MEMO1: variants seen among roughly 807,000 people sequenced by gnomAD.
The protein encoded by MEMO1 is protein MEMO1.
Under a neutral mutation model 45.2 loss-of-function variants are expected in MEMO1, and 6 were observed. That is an observed-to-expected ratio of 0.13 (90% confidence interval 0.07 to 0.26). The LOEUF (loss-of-function observed/expected upper bound fraction) is 0.26. Ranked by LOEUF, MEMO1 falls within the 10% of genes least tolerant of loss-of-function variation. The pLI is 1.00. For synonymous variants in MEMO1, 78 were observed against 124.3 expected (o/e 0.63, Z 2.48); for missense variants, 184 against 370.5 (o/e 0.50, Z 4.13).
chr2:31,967,997 T>G (rs975431225), intron 2 of MEMO1, among the ~76,000 whole-genome samples: 10 of 152,022 alleles, frequency 6.6e-5, no homozygotes, highest in African/African-American at 2.4e-4. Flanking sequence ...AAACTCGCAA[T>G]GATGGGTAAG....
At chr2:31,933,172 T>C (rs892032930) in intron 3 of MEMO1, among the ~76,000 whole-genome samples, 5 of 149,900 alleles carry the variant, frequency 3.3e-5, no homozygotes, top group Admixed American at 6.7e-5. Flanking sequence ...TTCTAGAAAA[T>C]AGCGAGGCAT....
chr2:31,976,632 A>G (rs925131236), intron 2 of MEMO1, among the ~76,000 whole-genome samples: 6 of 152,142 alleles, frequency 3.9e-5, no homozygotes, highest in Admixed American at 2.0e-4. Flanking sequence ...GGATAATTAA[A>G]TATCTCAACT....
At chr2:31,950,720 CAA>C (rs1382577241) in intron 2 of MEMO1, among the ~76,000 whole-genome samples, 5 of 78,546 alleles carry the variant, frequency 6.4e-5, no homozygotes, top group Admixed American at 1.4e-4. Flanking sequence ...GACTCCATCT[CAA>C]AAAAAAAAAA....
At position 31,868,466 on chromosome 2, in the gene MEMO1, T is replaced by G. The variant is rs3769615; in HGVS notation, c.789A>C (p.Gly263=). 87 of 1,603,166 alleles carry G rather than the reference T, an allele frequency of 5.4e-5. No individual in the cohort carries two copies. The East Asian group carries it at 1.9e-3, about 35-fold the overall frequency. Residue 263 remains glycine, a synonymous_variant, in exon 10 of 10, where the codon GGA becomes GGC. Transcript: ENST00000404530. ...TCAAAAACGAAAAACTCATATTCAT[T>G]CCATTCTTCTGGAGCTCTGTGATAG... is the stretch of plus-strand genomic sequence containing the variant. ...LNAITELQKN[G]MNMSFSFLNY...
chr2:31,962,159 C>T (rs868224458), intron 2 of MEMO1, among the ~76,000 whole-genome samples: 16 of 152,066 alleles, frequency 1.1e-4, no homozygotes, highest in African/African-American at 3.6e-4. Flanking sequence ...GAGGCCAAGG[C>T]GAGAGGATTG....
chr2:31,940,004 G>A (rs1454378781), intron 3 of MEMO1, among the ~76,000 whole-genome samples: 1 of 151,940 alleles, frequency 6.6e-6, no homozygotes, highest in African/African-American at 2.4e-5. Flanking sequence ...TCAATCCTCA[G>A]TCCTCACTGG....
At chr2:31,932,165 C>T (rs1269349222) in intron 3 of MEMO1, 30 bp from the exon 4 acceptor site, 1 of 1,583,078 alleles carries the variant, frequency 6.3e-7, no homozygotes, top group Non-Finnish European at 8.7e-7. Context: ...TAAACTTAAT[C>T]ATCAGATTCA....
At chr2:31,869,799 A>G (rs1448593542) in intron 9 of MEMO1, 49 bp downstream of exon 9, 3 of 1,545,364 alleles carry the variant, frequency 1.9e-6, no homozygotes, top group African/African-American at 2.8e-5. Flanking sequence ...ATATTTTGGA[A>G]TATCATATGA....
intron 6 of MEMO1, among the ~76,000 whole-genome samples, chr2:31,897,467 G>A (rs933660922): frequency 1.3e-5 from 2 of 152,152 alleles, no homozygotes; most frequent in Admixed American, 1.3e-4. Context: ...TGCATGTATT[G>A]AGACAATCAT....
intron 6 of MEMO1, among the ~76,000 whole-genome samples, chr2:31,901,089 G>A (rs1415123687): frequency 6.6e-6 from 1 of 152,074 alleles, no homozygotes. Flanking sequence ...AAAAAAGAAT[G>A]AGCTGGGCGT....
chr2:31,888,085 A>G (rs1572575010), intron 7 of MEMO1, among the ~76,000 whole-genome samples: 1 of 151,712 alleles, frequency 6.6e-6, no homozygotes, highest in Non-Finnish European at 1.5e-5. Flanking sequence ...TTAAAAAAAT[A>G]TATGTCATAA....
At chr2:31,930,839 A>G (rs1375299693) in intron 4 of MEMO1, among the ~76,000 whole-genome samples, 1 of 77,430 alleles carries the variant, frequency 1.3e-5, no homozygotes, top group Admixed American at 1.4e-4. Flanking sequence ...TTTGTATTTT[A>G]GTAGAGACGG....
chr2:31,896,124 T>C (rs888573374), intron 6 of MEMO1, among the ~76,000 whole-genome samples: 1 of 152,128 alleles, frequency 6.6e-6, no homozygotes, highest in Non-Finnish European at 1.5e-5. Flanking sequence ...ATTACAGGCG[T>C]GAGCCACCGT....
chr2:31,969,351 T>A (rs1158551367), intron 2 of MEMO1, among the ~76,000 whole-genome samples: 1 of 143,558 alleles, frequency 7.0e-6, no homozygotes, highest in East Asian at 2.0e-4. Context: ...ACATTATACA[T>A]ATATATGTTA....
chr2:32,002,793 A>G (rs1056848255), intron 2 of MEMO1, among the ~76,000 whole-genome samples: 2 of 152,204 alleles, frequency 1.3e-5, no homozygotes, highest in Admixed American at 1.3e-4. Flanking sequence ...AAAGCAGTTG[A>G]CACGAACCAT....
At chr2:31,920,056 A>G (rs1682058994) in intron 5 of MEMO1, among the ~76,000 whole-genome samples, 1 of 151,998 alleles carries the variant, frequency 6.6e-6, no homozygotes, top group Non-Finnish European at 1.5e-5. Flanking sequence ...CTGGGAAGGT[A>G]AATTGGGTTC....
At chr2:31,926,975 CA>C (rs1572704933) in intron 4 of MEMO1, among the ~76,000 whole-genome samples, 1 of 152,148 alleles carries the variant, frequency 6.6e-6, no homozygotes, top group East Asian at 1.9e-4. Flanking sequence ...CCACACGTTA[CA>C]AAATTATGCC....
At chr2:31,905,706 T>G (rs545165214) in intron 6 of MEMO1, among the ~76,000 whole-genome samples, 1 of 152,220 alleles carries the variant, frequency 6.6e-6, no homozygotes, top group Non-Finnish European at 1.5e-5. Flanking sequence ...GGCAATATTA[T>G]AAGGCCTTGA....
intron 2 of MEMO1, among the ~76,000 whole-genome samples, chr2:31,966,732 C>CAAAAAAAAAAAAAAAAAAAAAAAA (rs758359349): frequency 7.6e-5 from 9 of 117,854 alleles, no homozygotes; most frequent in African/African-American, 9.2e-5. Flanking sequence ...GACTCTGTCT[C>CAAAAAAAAAAAAAAAAAAAAAAAA]AAAAAAAAAA....
Sources: gnomAD v4.1 joint callset for allele counts (sites outside exome capture counted in the v4.1 genomes callset) on GRCh38, gnomAD v4.1.1 for gene constraint, MANE v1.5 for transcripts, NCBI Gene and HGNC (gene_info 2026-07-23, HGNC 2026-07-21) for gene names.